Variants in PALLD observed in about 807,000 individuals in gnomAD.
PALLD encodes palladin, cytoskeletal associated protein.
In PALLD, 61 loss-of-function variants were observed where a neutral mutation model predicts 123.5. That is an observed-to-expected ratio of 0.49 (90% CI 0.40 to 0.61). The LOEUF (loss-of-function observed/expected upper bound fraction) is 0.61. Among genes scored for constraint, PALLD ranks in the 20% least tolerant of loss-of-function variants. The pLI is 0.00. For missense variants in PALLD, 1,273 were observed against 1,377.0 expected (o/e 0.92, Z 1.20); for synonymous variants, 465 against 496.4 (o/e 0.94, Z 0.84).
chr4:168,635,634 G>A (rs926435078), intron 2 of PALLD, among the ~76,000 whole-genome samples: 1 of 152,202 alleles, frequency 6.6e-6, no homozygotes, highest in Non-Finnish European at 1.5e-5. Context: ...AGCTAGAGAA[G>A]TGCCATGGAA....
chr4:168,537,282 C>G (rs565547209), intron 2 of PALLD, among the ~76,000 whole-genome samples: 2 of 152,202 alleles, frequency 1.3e-5, no homozygotes, highest in Non-Finnish European at 2.9e-5. Flanking sequence ...GTAACCCTTT[C>G]AAGTGCAAAC....
intron 10 of PALLD, among the ~76,000 whole-genome samples, chr4:168,865,247 T>A (rs1253209819): frequency 4.6e-5 from 7 of 152,238 alleles, no homozygotes; most frequent in Non-Finnish European, 5.9e-5. Flanking sequence ...AAATTTACAG[T>A]TCTTTTCCAC....
At chr4:168,510,270 T>C (rs1454488160) in intron 1 of PALLD, among the ~76,000 whole-genome samples, 1 of 152,226 alleles carries the variant, frequency 6.6e-6, no homozygotes, top group Admixed American at 6.5e-5. Flanking sequence ...AAAGCTGTAA[T>C]AGCTTACAGA....
At chr4:168,546,784 GAGA>G (rs1188062953) in intron 2 of PALLD, among the ~76,000 whole-genome samples, 4 of 152,156 alleles carry the variant, frequency 2.6e-5, no homozygotes, top group African/African-American at 9.7e-5. Flanking sequence ...TTCCAGCACA[GAGA>G]AGAAGTTGGG....
intron 2 of PALLD, among the ~76,000 whole-genome samples, chr4:168,624,239 C>G (rs28458841): frequency 1.3e-5 from 2 of 151,700 alleles, no homozygotes; most frequent in African/African-American, 4.8e-5. Flanking sequence ...ATTACCATGA[C>G]GAAATGGAGC....
chr4:168,542,886 A>T (rs1252514538), intron 2 of PALLD, among the ~76,000 whole-genome samples: 1 of 151,090 alleles, frequency 6.6e-6, no homozygotes, highest in African/African-American at 2.4e-5. Context: ...ACGTGGCTGG[A>T]CCCAGAGCAA....
intron 2 of PALLD, among the ~76,000 whole-genome samples, chr4:168,601,219 G>A (rs1188065667): frequency 6.6e-6 from 1 of 152,080 alleles, no homozygotes; most frequent in Admixed American, 6.6e-5. Context: ...CACATAGAGG[G>A]AAAGAGGCAT....
At chr4:168,684,406 A>G (rs1348418404) in intron 5 of PALLD, among the ~76,000 whole-genome samples, 1 of 152,214 alleles carries the variant, frequency 6.6e-6, no homozygotes. Flanking sequence ...GACATCAAGT[A>G]ATGCTCTGGA....
chr4:168,638,958 C>T (rs1776621778), intron 2 of PALLD, among the ~76,000 whole-genome samples: 1 of 152,144 alleles, frequency 6.6e-6, no homozygotes, highest in Non-Finnish European at 1.5e-5. Context: ...TCCCACTCCA[C>T]ACATTCCTCT....
chr4:168,532,497 T>C (rs62333842), intron 2 of PALLD, among the ~76,000 whole-genome samples: 13,090 of 151,540 alleles, frequency 0.086, 814 homozygotes, highest in Non-Finnish European at 0.12. Flanking sequence ...GAAAAAACTT[T>C]AGGAGAGAAG....
chr4:168,633,956 A>G (rs1348118458), intron 2 of PALLD, among the ~76,000 whole-genome samples: 4 of 152,218 alleles, frequency 2.6e-5, no homozygotes, highest in African/African-American at 4.8e-5. Flanking sequence ...TAAAAAAATA[A>G]TAATAATAAA....
chr4:168,516,813 A>G (rs976555041), intron 2 of PALLD, among the ~76,000 whole-genome samples: 1 of 152,254 alleles, frequency 6.6e-6, no homozygotes, highest in Non-Finnish European at 1.5e-5. Flanking sequence ...ATATCTTCAA[A>G]GAAAATGGTA....
intron 10 of PALLD, among the ~76,000 whole-genome samples, chr4:168,759,483 A>G (rs1732516785): frequency 6.6e-6 from 1 of 151,716 alleles, no homozygotes; most frequent in African/African-American, 2.4e-5. Flanking sequence ...GTTTCAAACC[A>G]CAGTTTTTCC....
At chr4:168,916,106 G>GA (rs778696691) in intron 17 of PALLD, 79 bp downstream of exon 17, 2 of 1,360,810 alleles carry the variant, frequency 1.5e-6, no homozygotes, top group Non-Finnish European at 2.1e-6. Flanking sequence ...TCCTTTTGGG[G>GA]AAATTACATA....
chr4:168,747,811 T>A (rs1470603394), intron 10 of PALLD, among the ~76,000 whole-genome samples: 2 of 152,224 alleles, frequency 1.3e-5, no homozygotes, highest in Admixed American at 6.5e-5. Context: ...ATACTGTAAA[T>A]ATCTTCAAGA....
chr4:168,807,372 C>A (rs935166949), intron 10 of PALLD, among the ~76,000 whole-genome samples: 2 of 152,012 alleles, frequency 1.3e-5, no homozygotes, highest in East Asian at 3.9e-4. Flanking sequence ...AAGTACTGTG[C>A]AACATATTGA....
intron 2 of PALLD, among the ~76,000 whole-genome samples, chr4:168,626,274 C>T (rs768964545): frequency 2.0e-5 from 3 of 151,666 alleles, no homozygotes; most frequent in Non-Finnish European, 4.4e-5. Flanking sequence ...TGGTGGTGGG[C>T]TCCTGTAGTC....
At chr4:168,737,987 T>C (rs906434731) in intron 10 of PALLD, among the ~76,000 whole-genome samples, 2 of 152,210 alleles carry the variant, frequency 1.3e-5, no homozygotes, top group Non-Finnish European at 2.9e-5. Flanking sequence ...TGAAGTCCCC[T>C]TGGAGGAGGA....
At chr4:168,778,425 A>G (rs1033941200) in intron 10 of PALLD, among the ~76,000 whole-genome samples, 3 of 152,158 alleles carry the variant, frequency 2.0e-5, no homozygotes, top group African/African-American at 4.8e-5. Flanking sequence ...TGACTCATGT[A>G]TGGGACTTAG....
Sources: allele counts gnomAD v4.1 joint callset (sites outside exome capture counted in the v4.1 genomes callset), GRCh38; gene constraint gnomAD v4.1.1; transcripts MANE v1.5; gene names NCBI Gene and HGNC (gene_info 2026-07-23, HGNC 2026-07-21).